CDH4: variants seen among roughly 807,000 people sequenced by gnomAD.
CDH4 encodes the protein cadherin 4.
In CDH4, 33 loss-of-function variants were observed where a neutral mutation model predicts 86.0. That is an observed-to-expected ratio of 0.38 (90% CI 0.29 to 0.51). The LOEUF is 0.51. CDH4 is among the 20% of genes least tolerant of loss of function. The probability of loss-of-function intolerance (pLI) is 0.86; values close to 1 mark genes in which losing one functional copy is unlikely to be tolerated. For synonymous variants in CDH4, 555 were observed against 549.4 expected, an observed-to-expected ratio of 1.01 and a Z score of -0.14; for missense variants, 1,114 against 1,307.4, an observed-to-expected ratio of 0.85 and a Z score of 2.28.
At chr20:61,474,507 C>A (rs955679750) in intron 2 of CDH4, among the ~76,000 whole-genome samples, 2 of 151,730 alleles carry the variant, frequency 1.3e-5, no homozygotes, top group Non-Finnish European at 2.9e-5. Context: ...TTATTTGATA[C>A]AAAAGAAATG....
intron 2 of CDH4, among the ~76,000 whole-genome samples, chr20:61,595,865 A>G (rs6121717): frequency 0.054 from 8,250 of 152,316 alleles, 399 homozygotes; most frequent in African/African-American, 0.12. Context: ...CCATGAGCAC[A>G]GTGGGGGTGA....
At chr20:61,789,301 T>C (rs1979040287) in intron 4 of CDH4, among the ~76,000 whole-genome samples, 1 of 152,188 alleles carries the variant, frequency 6.6e-6, no homozygotes, top group Admixed American at 6.5e-5. Flanking sequence ...TAATGCCTAT[T>C]GAAGTTGAGA....
At chr20:61,444,188 CTA>C (rs1359506859) in intron 2 of CDH4, among the ~76,000 whole-genome samples, 6 of 91,686 alleles carry the variant, frequency 6.5e-5, no homozygotes, top group Admixed American at 2.1e-4. Flanking sequence ...GTGGATCTCT[CTA>C]TGTGGGTGTC....
chr20:61,298,868 C>T (rs1245311035), intron 2 of CDH4, among the ~76,000 whole-genome samples: 4 of 151,070 alleles, frequency 2.6e-5, no homozygotes, highest in Non-Finnish European at 5.9e-5. Flanking sequence ...TCTGTGTATG[C>T]GGTAAACAAA....
intron 2 of CDH4, chr20:61,570,817 G>A (rs1434608434): frequency 2.9e-6 from 2 of 701,386 alleles, no homozygotes; most frequent in Non-Finnish European, 5.2e-6. Flanking sequence ...CCGCGCCAGG[G>A]GGTTGCTGCT....
At chr20:61,609,021 T>C (rs2086665052) in intron 2 of CDH4, among the ~76,000 whole-genome samples, 1 of 152,188 alleles carries the variant, frequency 6.6e-6, no homozygotes, top group Non-Finnish European at 1.5e-5. Flanking sequence ...CTGAGCTCAG[T>C]GCCCAGCTCC....
chr20:61,485,354 A>AT (rs1473854938), intron 2 of CDH4, among the ~76,000 whole-genome samples: 2 of 152,188 alleles, frequency 1.3e-5, no homozygotes, highest in African/African-American at 2.4e-5. Flanking sequence ...CTCCAAGAAC[A>AT]TTCCCTATTG....
Position 61,565,217 on chromosome 20 carries a change from G to GTGA in CDH4, c.170-178344_170-178343insATG, listed in dbSNP as rs1568688459. Reference sequence around the variant, plus strand: ...CTTGGTGGTGGTCGCGGTGCTCTCGGTGGTAGGTGGTGGTGGTGGTGGTGG... The same window carrying GTGA: ...CTTGGTGGTGGTCGCGGTGCTCTCGGTGATGGTAGGTGGTGGTGGTGGTGGTGG... On this transcript the variant is annotated intron_variant, in intron 2 of 15. Coordinates refer to ENST00000614565, the MANE Select transcript of CDH4 (RefSeq NM_001794.5). Among the ~76,000 whole-genome samples, 236 of 55,792 alleles carry GTGA rather than the reference G, an allele frequency of 4.2e-3. 42 individuals carry two copies. The highest frequency in any genetic ancestry group is 0.013 in the Middle Eastern group (1 of 76). 36.6% of individuals were successfully genotyped at this position (55,792 alleles called of 152,430 possible).
chr20:61,296,103 C>T (rs1331854447), intron 2 of CDH4, among the ~76,000 whole-genome samples: 2 of 151,822 alleles, frequency 1.3e-5, no homozygotes, highest in African/African-American at 4.8e-5. Flanking sequence ...GGCTTCTAGG[C>T]AGCAAGGTAG....
At chr20:61,508,431 G>T (rs1248262306) in intron 2 of CDH4, among the ~76,000 whole-genome samples, 1 of 152,230 alleles carries the variant, frequency 6.6e-6, no homozygotes, top group African/African-American at 2.4e-5. Context: ...GAAGACTGTT[G>T]CGGTCGGCCC....
At chr20:61,488,291 A>G (rs984248655) in intron 2 of CDH4, among the ~76,000 whole-genome samples, 1 of 152,230 alleles carries the variant, frequency 6.6e-6, no homozygotes, top group Admixed American at 6.5e-5. Flanking sequence ...ACCAGCGGCC[A>G]CAACAGAGCT....
At chr20:61,428,783 T>C (rs1217310708) in intron 2 of CDH4, among the ~76,000 whole-genome samples, 2 of 152,214 alleles carry the variant, frequency 1.3e-5, no homozygotes, top group Non-Finnish European at 2.9e-5. Context: ...CATATGTATA[T>C]GTATACTTTA....
chr20:61,391,367 G>A (rs2084984676), intron 2 of CDH4, among the ~76,000 whole-genome samples: 1 of 152,166 alleles, frequency 6.6e-6, no homozygotes, highest in Non-Finnish European at 1.5e-5. Context: ...AGAAAGGTGG[G>A]GGGCAGCTGG....
chr20:61,299,275 C>T (rs2084373498), intron 2 of CDH4, among the ~76,000 whole-genome samples: 1 of 152,132 alleles, frequency 6.6e-6, no homozygotes, highest in Non-Finnish European at 1.5e-5. Flanking sequence ...AGACAGGAGC[C>T]CCGGGGACTG....
intron 7 of CDH4, among the ~76,000 whole-genome samples, chr20:61,874,970 G>A (rs1983956916): frequency 6.6e-6 from 1 of 152,206 alleles, no homozygotes; most frequent in African/African-American, 2.4e-5. Context: ...GCTTCTGAGT[G>A]CGTCACGGCC....
At chr20:61,514,308 C>CT (rs2085801866) in intron 2 of CDH4, among the ~76,000 whole-genome samples, 1 of 121,620 alleles carries the variant, frequency 8.2e-6, no homozygotes, top group Non-Finnish European at 1.6e-5. Flanking sequence ...CTCAGTCCGC[C>CT]CCCCCCGCCC....
intron 2 of CDH4, among the ~76,000 whole-genome samples, chr20:61,720,196 C>T (rs528332644): frequency 5.3e-5 from 8 of 152,194 alleles, no homozygotes; most frequent in South Asian, 2.1e-4. Context: ...TTTGGGCGAA[C>T]GTTGGTGGTG....
At chr20:61,509,371 G>T (rs538207870) in intron 2 of CDH4, among the ~76,000 whole-genome samples, 27 of 151,640 alleles carry the variant, frequency 1.8e-4, no homozygotes, top group African/African-American at 6.1e-4. Context: ...CTGGACAAGG[G>T]CAACCATGAT....
chr20:61,669,228 G>A (rs532445099), intron 2 of CDH4, among the ~76,000 whole-genome samples: 5 of 152,222 alleles, frequency 3.3e-5, no homozygotes, highest in Admixed American at 1.3e-4. Flanking sequence ...ATGTGACTGT[G>A]GGCCTGGAGA....
Sources: gnomAD v4.1 joint callset for allele counts (sites outside exome capture counted in the v4.1 genomes callset) on GRCh38, gnomAD v4.1.1 for gene constraint, MANE v1.5 for transcripts, NCBI Gene and HGNC (gene_info 2026-07-23, HGNC 2026-07-21) for gene names.